CDH18: variants seen among roughly 807,000 people sequenced by gnomAD.
The protein encoded by CDH18 is cadherin-18.
A neutral mutation model predicts 67.9 loss-of-function variants in CDH18; 31 were observed. That is an observed-to-expected ratio of 0.46 (90% confidence interval 0.34 to 0.62). CDH18 has a LOEUF of 0.62. Ranked by LOEUF, CDH18 falls within the 20% of genes least tolerant of loss-of-function variation. The pLI is 0.01. For missense variants in CDH18, 890 were observed against 975.5 expected (o/e 0.91, Z 1.17); for synonymous variants, 362 against 347.2 (o/e 1.04, Z -0.48).
chr5:20,119,810 A>T (rs1748204530), intron 2 of CDH18, among the ~76,000 whole-genome samples: 1 of 152,148 alleles, frequency 6.6e-6, no homozygotes, highest in African/African-American at 2.4e-5. Flanking sequence ...TGGGAAAAAC[A>T]TCTAGTGAGA....
intron 5 of CDH18, among the ~76,000 whole-genome samples, chr5:19,682,144 T>C (rs535823548): frequency 1.3e-5 from 2 of 152,218 alleles, no homozygotes; most frequent in Non-Finnish European, 2.9e-5. Context: ...AAGCTAAGAC[T>C]TAGACTTTGT....
At chr5:19,605,537 T>C (rs1310058211) in intron 6 of CDH18, among the ~76,000 whole-genome samples, 2 of 152,076 alleles carry the variant, frequency 1.3e-5, no homozygotes, top group Admixed American at 1.3e-4. Flanking sequence ...TCTTCCATAA[T>C]CTTTCTATTT....
At position 19,873,629 on chromosome 5, in the gene CDH18, C is replaced by T. The variant is rs190976063; in HGVS notation, c.-256-34387G>A. Among the ~76,000 whole-genome samples, 7 of 152,194 alleles carry T rather than the reference C, an allele frequency of 4.6e-5. No homozygotes were observed. The East Asian group carries it at 1.4e-3, about 29-fold the overall frequency. On this transcript the variant is annotated intron_variant, in intron 2 of 12. Transcript: ENST00000382275. Reference sequence around the variant, plus strand: ...TGCATTATCAACTTTATGTTTTGTACTTTCAAAATATCAAAAAAAACTTTT... The same window carrying T: ...TGCATTATCAACTTTATGTTTTGTATTTTCAAAATATCAAAAAAAACTTTT...
chr5:20,162,755 A>G (rs532840843), intron 2 of CDH18, among the ~76,000 whole-genome samples: 154 of 151,982 alleles, frequency 1.0e-3, no homozygotes, highest in African/African-American at 3.4e-3. Flanking sequence ...TAATAGACAT[A>G]TATAATAAAG....
chr5:19,919,812 T>C (rs1345846166), intron 2 of CDH18, among the ~76,000 whole-genome samples: 3 of 152,226 alleles, frequency 2.0e-5, no homozygotes, highest in African/African-American at 4.8e-5. Flanking sequence ...GGGATTATTA[T>C]ATAGTGTGGA....
chr5:19,849,565 A>G (rs17222277), intron 2 of CDH18, among the ~76,000 whole-genome samples: 34,674 of 135,092 alleles, frequency 0.26, 6,462 homozygotes, highest in South Asian at 0.36. Flanking sequence ...CCAATGAAGT[A>G]TACAAATTAG....
intron 11 of CDH18, among the ~76,000 whole-genome samples, chr5:19,483,883 C>T (rs1375228455): frequency 6.6e-6 from 1 of 152,132 alleles, no homozygotes; most frequent in Non-Finnish European, 1.5e-5. Context: ...ACTTAGGGTC[C>T]TATACTTTGA....
chr5:20,112,853 G>A (rs1747594658), intron 2 of CDH18, among the ~76,000 whole-genome samples: 1 of 152,044 alleles, frequency 6.6e-6, no homozygotes, highest in African/African-American at 2.4e-5. Context: ...TGTACTTATG[G>A]GGGAATTTTA....
intron 7 of CDH18, among the ~76,000 whole-genome samples, chr5:19,586,506 CTCTG>C (rs1449246367): frequency 6.6e-6 from 1 of 152,138 alleles, no homozygotes; most frequent in African/African-American, 2.4e-5. Flanking sequence ...TGGCCTTCAA[CTCTG>C]TCTATGTCCC....
intron 2 of CDH18, among the ~76,000 whole-genome samples, chr5:20,206,708 A>G (rs2126343615): frequency 6.6e-6 from 1 of 152,142 alleles, no homozygotes; most frequent in East Asian, 1.9e-4. Context: ...ACAAAAATCT[A>G]TAAACATGAT....
intron 3 of CDH18, among the ~76,000 whole-genome samples, chr5:19,782,589 C>T (rs1025532482): frequency 7.9e-5 from 12 of 152,160 alleles, no homozygotes; most frequent in Non-Finnish European, 1.6e-4. Flanking sequence ...ACAATGGAGT[C>T]AGGGCAGCAC....
intron 5 of CDH18, among the ~76,000 whole-genome samples, chr5:19,631,480 G>T (rs570455382): frequency 6.6e-6 from 1 of 151,906 alleles, no homozygotes; most frequent in Non-Finnish European, 1.5e-5. Flanking sequence ...TTCTATTAAG[G>T]TATCTTTGGC....
Position 19,949,646 on chromosome 5 carries a change from C to A in CDH18, c.-257+31414G>T, listed in dbSNP as rs557698765. 2.0e-4 allele frequency among the ~76,000 whole-genome samples: 30 copies of A among 152,072 alleles called. No individual in the cohort carries two copies. The East Asian group carries it at 5.8e-3, about 29-fold the overall frequency. On this transcript the variant is annotated intron_variant, in intron 2 of 12. Coordinates refer to ENST00000382275, the MANE Select transcript of CDH18 (RefSeq NM_004934.5). ...TTTCTTTTAATTTTTCTGGAAAGTG[C>A]AAAAAGATTATGAAAAATTTTTGCT...
intron 2 of CDH18, among the ~76,000 whole-genome samples, chr5:19,947,289 T>C (rs1240890494): frequency 2.0e-5 from 3 of 151,978 alleles, no homozygotes; most frequent in Non-Finnish European, 2.9e-5. Context: ...TGACCTAGTA[T>C]AAGGTTCACA....
intron 8 of CDH18, among the ~76,000 whole-genome samples, chr5:19,557,988 T>G (rs1378632616): frequency 1.3e-5 from 2 of 151,848 alleles, no homozygotes; most frequent in Non-Finnish European, 2.9e-5. Context: ...AACTCTAAAA[T>G]GAACCCTCAA....
intron 2 of CDH18, among the ~76,000 whole-genome samples, chr5:19,845,218 T>G (rs1300623282): frequency 6.6e-6 from 1 of 152,184 alleles, no homozygotes. Flanking sequence ...TCTGTTTCCT[T>G]GTTGGTTGAC....
At chr5:19,752,267 G>A (rs1182211916) in intron 3 of CDH18, among the ~76,000 whole-genome samples, 3 of 152,064 alleles carry the variant, frequency 2.0e-5, no homozygotes, top group Non-Finnish European at 4.4e-5. Context: ...CAACTGGGAA[G>A]CGGGTTAGCC....
At chr5:19,632,823 A>T (rs747015159) in intron 5 of CDH18, among the ~76,000 whole-genome samples, 3 of 152,192 alleles carry the variant, frequency 2.0e-5, no homozygotes, top group Non-Finnish European at 4.4e-5. Flanking sequence ...CAGGTGAAGA[A>T]ACTGGTTTTA....
chr5:19,842,429 C>A (rs1235431189), intron 2 of CDH18, among the ~76,000 whole-genome samples: 1 of 152,170 alleles, frequency 6.6e-6, no homozygotes, highest in Non-Finnish European at 1.5e-5. Flanking sequence ...GGGCTCTTCT[C>A]CCTTCACTCT....
Sources: gnomAD v4.1 joint callset for allele counts (sites outside exome capture counted in the v4.1 genomes callset) on GRCh38, gnomAD v4.1.1 for gene constraint, MANE v1.5 for transcripts, NCBI Gene and HGNC (gene_info 2026-07-23, HGNC 2026-07-21) for gene names.